Variants in CELSR2 observed in about 807,000 individuals in gnomAD.
The protein encoded by CELSR2 is cadherin EGF LAG seven-pass G-type receptor 2.
Under a neutral mutation model 251.6 loss-of-function variants are expected in CELSR2, and 81 were observed. The observed-to-expected ratio is 0.32, with a 90% CI of 0.27 to 0.39. The LOEUF (loss-of-function observed/expected upper bound fraction) is 0.39. CELSR2 is among the 10% of genes least tolerant of loss of function. The pLI is 1.00. For missense variants in CELSR2, 3,365 were observed against 3,947.7 expected, an observed-to-expected ratio of 0.85 and a Z score of 3.96; for synonymous variants, 1,721 against 1,670.5, an observed-to-expected ratio of 1.03 and a Z score of -0.74.
rs1466947985 is a variant in CELSR2, at chr1:109,271,296, T to C, written c.7676T>C (p.Val2559Ala). 3 of 1,613,842 alleles carry C rather than the reference T, an allele frequency of 1.9e-6. No individual in the cohort carries two copies. Among genetic ancestry groups the C allele is most frequent in the South Asian group, 1.1e-5 (1 of 91,078 alleles). The stretch of plus-strand genomic sequence containing the variant: ...CAGGGCTTTGAGAAGAAAGGTCCTG[T>C]GTGAGTATAGGGTTGGGGTGCCTGG... The part of the protein sequence containing the change: ...QRQGFEKKGP[V>A]SGLQPSFAVL... Residue 2559 changes from valine to alanine, a missense_variant and splice_region_variant, in exon 26 of 34, where the codon GTC becomes GCC. Transcript: ENST00000271332.
At chr1:109,255,580 A>C (rs1348281557) in intron 1 of CELSR2, among the ~76,000 whole-genome samples, 2 of 152,210 alleles carry the variant, frequency 1.3e-5, no homozygotes, top group Non-Finnish European at 2.9e-5. Flanking sequence ...CCGCTGGCAC[A>C]TCTGCCAGGG....
chr1:109,262,667 C>T (rs946859745), intron 6 of CELSR2, 139 bp from the exon 7 acceptor site: 21 of 1,413,668 alleles, frequency 1.5e-5, no homozygotes, highest in Admixed American at 8.9e-5. Flanking sequence ...GTAGGGGTGA[C>T]GCCCTTCCTG....
In CELSR2 at chr1:109,268,925, A is replaced by G. The variant is rs551788100; in HGVS notation, c.6548A>G (p.Lys2183Arg). ...GACAAAGGGAACTTTGCTGGGGCCA[A>G]GCTGCCCCGCTACGAGGCCCTGCGT... ...RLDKGNFAGA[K>R]LPRYEALRGE... Residue 2183 changes from lysine (K) to arginine (R), a missense_variant, in exon 19 of 34, where the codon AAG becomes AGG. This residue lies in a region of CELSR2 where 2,093 missense variants were observed against 2,382.8 expected (regional missense o/e 0.88). Coordinates refer to ENST00000271332, the MANE Select transcript of CELSR2 (RefSeq NM_001408.3). 3 of 1,613,370 alleles carry G rather than the reference A, an allele frequency of 1.9e-6. No individual in the cohort carries two copies. Among genetic ancestry groups the G allele is most frequent in the Admixed American group, 1.7e-5 (1 of 59,990 alleles).
In CELSR2 at chr1:109,270,106, C is replaced by T; in HGVS notation, c.7281C>T (p.Leu2427=). 1 of 1,614,062 alleles carries T rather than the reference C, an allele frequency of 6.2e-7. No homozygotes were observed. Among genetic ancestry groups the T allele is most frequent in the East Asian group, 2.2e-5 (1 of 44,880 alleles). Residue 2427 remains leucine (L), a synonymous_variant, in exon 23 of 34, where the codon CTC becomes CTT. Transcript: ENST00000271332. ...AALGLAQLVF[L]LGINQADLPF... The stretch of plus-strand genomic sequence containing the variant: ...TGGGCCTGGCTCAGCTGGTCTTCCT[C>T]CTGGGAATCAACCAGGCTGACCTCC...
intron 15 of CELSR2, chr1:109,266,559 ATTTTTTT>A (rs35994599): frequency 6.9e-4 from 58 of 83,716 alleles, no homozygotes; most frequent in Non-Finnish European, 9.1e-4. Context: ...CACCTGGCTA[ATTTTTTT>A]TTTTTTTTTT....
Position 109,251,291 on chromosome 1 carries a change from T to C in CELSR2, c.1212T>C (p.Tyr404=), listed in dbSNP as rs375455011. Residue 404 remains tyrosine (Y), a synonymous_variant, in exon 1 of 34, where the codon TAT becomes TAC. Transcript: ENST00000271332. This position sits in a 1 kb window ranked among gnomAD's most constrained non-coding sequence, Gnocchi z 4.9. ...CCCCCCAGTTTAGTGAGAAGCGCTA[T>C]GTGGTCCAGGTGAGGGAGGATGTGA... ...DNAPQFSEKR[Y]VVQVREDVTP... 2.5e-6 allele frequency: 4 copies of C among 1,614,088 alleles called. No homozygotes were observed. The highest frequency in any genetic ancestry group is 2.2e-5 in the East Asian group (1 of 44,864).
Position 109,268,892 on chromosome 1 carries a change from T to C in CELSR2, c.6515T>C (p.Val2172Ala). 1 of 1,610,286 alleles carries C rather than the reference T, an allele frequency of 6.2e-7. No individual in the cohort carries two copies. Among genetic ancestry groups the C allele is most frequent in the Non-Finnish European group, 8.5e-7 (1 of 1,177,140 alleles). Residue 2172 changes from valine to alanine, a missense_variant, in exon 19 of 34, where the codon GTG becomes GCG. Val to Ala is a moderately conservative substitution (Grantham distance 64). This residue lies in a region of CELSR2 where 2,093 missense variants were observed against 2,382.8 expected (regional missense o/e 0.88). Transcript: ENST00000271332. ...IVTPNIVISV[V>A]RLDKGNFAGA... The stretch of plus-strand genomic sequence containing the variant: ...TCCCCTTCCTTAGTCATCTCCGTAG[T>C]GCGCTTGGACAAAGGGAACTTTGCT...
chr1:109,262,577 G>A (rs919393758), intron 6 of CELSR2, 133 bp downstream of exon 6: 6 of 1,382,002 alleles, frequency 4.3e-6, no homozygotes, highest in Non-Finnish European at 5.8e-6. Context: ...CTGGGGATGG[G>A]GTCAAGACTG....
rs1309409815 is a variant in CELSR2, at chr1:109,252,521, G to A, written c.2442G>A (p.Gln814=). 2.4e-5 allele frequency: 39 copies of A among 1,613,770 alleles called. No homozygotes were observed. Among genetic ancestry groups the A allele is most frequent in the Non-Finnish European group, 3.1e-5 (36 of 1,180,042 alleles). Residue 814 remains glutamine (Q), a synonymous_variant, in exon 1 of 34, where the codon CAG becomes CAA. Transcript: ENST00000271332. This position sits in a 1 kb window ranked among gnomAD's most constrained non-coding sequence, Gnocchi z 4.8. Reference sequence around the variant, plus strand: ...ACGACGTGAATGACAATGCCCCTCAGTTCCTGCGAGACTCCTACCAGGGCA... The same window carrying A: ...ACGACGTGAATGACAATGCCCCTCAATTCCTGCGAGACTCCTACCAGGGCA... The part of the protein sequence containing the change: ...LVNDVNDNAP[Q]FLRDSYQGSV...
In CELSR2 at chr1:109,261,335, G is replaced by A. The variant is rs1656015893; in HGVS notation, c.4181+71G>A. ...CTGAGGTGCCTCCTGTTCTGTGGTT[G>A]AAGTAAGAGGTCAGGCAGTGAAAGC... is the stretch of plus-strand genomic sequence containing the variant. On this transcript the variant is annotated intron_variant, in intron 3 of 33. Coordinates refer to ENST00000271332, the MANE Select transcript of CELSR2 (RefSeq NM_001408.3). The surrounding 1 kb of genome is among the most constrained non-coding windows in gnomAD (Gnocchi z 4.8). 6.7e-6 allele frequency: 10 copies of A among 1,483,478 alleles called. No individual in the cohort carries two copies. The South Asian group carries it at 1.2e-4, about 18-fold the overall frequency. 91.9% of individuals were successfully genotyped at this position (1,483,478 alleles called of 1,614,324 possible). A position where few individuals can be genotyped will look rare whatever the true frequency, so the allele number is the denominator to read the frequency against.
Position 109,264,511 on chromosome 1 carries a change from G to C in CELSR2, c.5347G>C (p.Glu1783Gln). The C allele has an allele frequency of 6.2e-7, 1 of 1,614,142 alleles. No homozygotes were observed. The highest frequency in any genetic ancestry group is 8.5e-7 in the Non-Finnish European group (1 of 1,180,012). Residue 1783 changes from glutamate to glutamine, a missense_variant, in exon 11 of 34, where the codon GAG becomes CAG. Physicochemically the swap from Glu to Gln is conservative, Grantham distance 29. Transcript: ENST00000271332. ...GVNSLDPSHG[E>Q]SINVEQGCSL... Reference sequence around the variant, plus strand: ...TAACAGCCTGGATCCCAGCCATGGGGAGAGCATCAACGTGGAGCAAGGCTG... The same window carrying C: ...TAACAGCCTGGATCCCAGCCATGGGCAGAGCATCAACGTGGAGCAAGGCTG...
chr1:109,260,655 G>A (rs1455003468), intron 2 of CELSR2, among the ~76,000 whole-genome samples: 1 of 152,146 alleles, frequency 6.6e-6, no homozygotes, highest in Admixed American at 6.5e-5. Flanking sequence ...CCTCTTGGGG[G>A]CCAGGACACC....
At chr1:109,265,357 T>C in intron 13 of CELSR2, 46 bp downstream of exon 13, 1 of 1,556,110 alleles carries the variant, frequency 6.4e-7, no homozygotes, top group Non-Finnish European at 8.7e-7. Flanking sequence ...TGGGCCTCTG[T>C]CCACATCTCC....
At position 109,261,871 on chromosome 1, in the gene CELSR2, C is replaced by G. The variant is rs747147471; in HGVS notation, c.4361C>G (p.Thr1454Arg). 2.5e-6 allele frequency: 4 copies of G among 1,587,796 alleles called. No homozygotes were observed. Among genetic ancestry groups the G allele is most frequent in the Non-Finnish European group, 3.4e-6 (4 of 1,165,218 alleles). ...PGGVSDGQWH[T>R]VQLKYYNKPL... ...GGAGTCAGTGATGGCCAGTGGCATA[C>G]GGTGCAGCTGAAATACTACAATAAG... Residue 1454 changes from threonine to arginine, a missense_variant, in exon 5 of 34, where the codon ACG becomes AGG. Physicochemically the swap from Thr to Arg is moderately conservative, Grantham distance 71. This residue lies in a region of CELSR2 where 2,093 missense variants were observed against 2,382.8 expected (regional missense o/e 0.88). Transcript: ENST00000271332. The surrounding 1 kb of genome is among the most constrained non-coding windows in gnomAD (Gnocchi z 4.8).
intron 1 of CELSR2, among the ~76,000 whole-genome samples, chr1:109,256,317 A>G (rs1655844443): frequency 6.6e-6 from 1 of 152,100 alleles, no homozygotes; most frequent in Admixed American, 6.5e-5. Context: ...CAGCTTTGAG[A>G]CGAGAGCAGG....
At chr1:109,270,207 T>C in intron 23 of CELSR2, 74 bp downstream of exon 23, 1 of 1,492,188 alleles carries the variant, frequency 6.7e-7, no homozygotes, top group Middle Eastern at 1.7e-4. Context: ...TGGCAACCCC[T>C]GCTCCTGCAC....
intron 8 of CELSR2, 71 bp downstream of exon 8, chr1:109,263,338 C>G: frequency 6.6e-7 from 1 of 1,522,666 alleles, no homozygotes; most frequent in Non-Finnish European, 8.8e-7. Flanking sequence ...AGGGTTGGGG[C>G]AGGCACTGGG....
rs375870109 is a variant in CELSR2, at chr1:109,261,227, G to A, written c.4144G>A (p.Gly1382Ser). Residue 1382 changes from glycine to serine, a missense_variant, in exon 3 of 34, where the codon GGC (glycine) becomes AGC (serine). Physicochemically the swap from Gly to Ser is moderately conservative, Grantham distance 56. Transcript: ENST00000271332. The surrounding 1 kb of genome is among the most constrained non-coding windows in gnomAD (Gnocchi z 4.8). ...CGCCCACTCCTTCATCACCTTTCGC[G>A]GCCTGCGCCAGCGTTTCCACTTCAC... ...FPAHSFITFR[G>S]LRQRFHFTLA... 2.4e-5 allele frequency: 39 copies of A among 1,613,872 alleles called. No individual in the cohort carries two copies. Among genetic ancestry groups the A allele is most frequent in the South Asian group, 3.3e-5 (3 of 91,074 alleles).
In CELSR2 at chr1:109,272,636, C is replaced by T; in HGVS notation, c.8055-4C>T. On this transcript the variant is annotated splice_region_variant and splice_polypyrimidine_tract_variant and intron_variant, in intron 29 of 33. Coordinates refer to ENST00000271332, the MANE Select transcript of CELSR2 (RefSeq NM_001408.3). The stretch of plus-strand genomic sequence containing the variant: ...ACCCCTCCAGCATGGTCTCATCTTC[C>T]TAGGGAGGAGTCCGCACTGAACCCT... The T allele has an allele frequency of 6.2e-7, 1 of 1,612,506 alleles. No homozygotes were observed. Among genetic ancestry groups the T allele is most frequent in the Non-Finnish European group, 8.5e-7 (1 of 1,179,148 alleles).
Sources: gnomAD v4.1 joint callset for allele counts (sites outside exome capture counted in the v4.1 genomes callset) on GRCh38, gnomAD v4.1.1 for gene constraint, gnomAD v4.1.1 regional missense constraint, Gnocchi (gnomAD v3.1) non-coding constraint, MANE v1.5 for transcripts, NCBI Gene and HGNC (gene_info 2026-07-23, HGNC 2026-07-21) for gene names.